Variants in ZNF704 observed in about 807,000 individuals in gnomAD.
ZNF704 encodes the protein glucocorticoid induced gene 1.
Under a neutral mutation model 44.7 loss-of-function variants are expected in ZNF704, and 10 were observed. The ratio of observed to expected loss-of-function variants is 0.22; its 90% CI spans 0.14 to 0.38. The LOEUF is 0.38. Ranked by LOEUF, ZNF704 falls within the 10% of genes least tolerant of loss-of-function variation. The pLI, the probability that ZNF704 is intolerant of heterozygous loss-of-function variation, is 1.00. For missense variants in ZNF704, 390 were observed against 545.5 expected, an observed-to-expected ratio of 0.71 and a Z score of 2.84; for synonymous variants, 211 against 207.6, an observed-to-expected ratio of 1.02 and a Z score of -0.14.
chr8:80,733,680 A>T (rs1806619436), intron 2 of ZNF704, among the ~76,000 whole-genome samples: 1 of 152,036 alleles, frequency 6.6e-6, no homozygotes, highest in Admixed American at 6.5e-5. Flanking sequence ...GCCCTGCTAC[A>T]TTTCTCAGCT....
At chr8:80,866,324 T>C (rs1314089330) in intron 1 of ZNF704, among the ~76,000 whole-genome samples, 1 of 152,172 alleles carries the variant, frequency 6.6e-6, no homozygotes. Context: ...GTGGGCTCCC[T>C]GAAAGCGGAA....
At chr8:80,783,866 CTG>C (rs1807570650) in intron 2 of ZNF704, among the ~76,000 whole-genome samples, 2 of 152,156 alleles carry the variant, frequency 1.3e-5, no homozygotes, top group South Asian at 4.1e-4. Flanking sequence ...TAAAAATCCT[CTG>C]TGTTCTCTCT....
At chr8:80,824,822 C>G (rs1808343578) in intron 1 of ZNF704, among the ~76,000 whole-genome samples, 1 of 152,188 alleles carries the variant, frequency 6.6e-6, no homozygotes, top group Non-Finnish European at 1.5e-5. Flanking sequence ...TTCAGCCAAA[C>G]TAAGCTTCAT....
At chr8:80,775,203 C>T (rs552560005) in intron 2 of ZNF704, among the ~76,000 whole-genome samples, 15 of 152,290 alleles carry the variant, frequency 9.8e-5, no homozygotes, top group African/African-American at 3.4e-4. Context: ...AATTAAGGAA[C>T]ATCAAACATC....
At chr8:80,709,784 G>C (rs183837339) in intron 2 of ZNF704, among the ~76,000 whole-genome samples, 2 of 152,312 alleles carry the variant, frequency 1.3e-5, no homozygotes, top group African/African-American at 4.8e-5. Context: ...GGACCTTGGA[G>C]AGGAGCAGCC....
chr8:80,796,844 A>G (rs929759105), intron 2 of ZNF704, among the ~76,000 whole-genome samples: 3 of 148,830 alleles, frequency 2.0e-5, no homozygotes, highest in Non-Finnish European at 4.4e-5. Flanking sequence ...AAGAAAAGAA[A>G]AAAGAAAGAA....
At chr8:80,682,110 T>G (rs1281606878) in intron 4 of ZNF704, among the ~76,000 whole-genome samples, 1 of 152,208 alleles carries the variant, frequency 6.6e-6, no homozygotes, top group African/African-American at 2.4e-5. Flanking sequence ...AGAGGCACTC[T>G]CTGCTCAAAA....
intron 2 of ZNF704, among the ~76,000 whole-genome samples, chr8:80,699,132 T>G (rs1563523145): frequency 6.6e-6 from 1 of 152,182 alleles, no homozygotes; most frequent in Non-Finnish European, 1.5e-5. Flanking sequence ...ACTTGTGATA[T>G]TCTTAAAATA....
intron 2 of ZNF704, among the ~76,000 whole-genome samples, chr8:80,732,707 G>C (rs1288648211): frequency 6.6e-6 from 1 of 152,186 alleles, no homozygotes; most frequent in Non-Finnish European, 1.5e-5. Context: ...TGTAATCCCA[G>C]CACTTTGGGA....
At chr8:80,799,660 G>A (rs1382311779) in intron 2 of ZNF704, among the ~76,000 whole-genome samples, 3 of 152,070 alleles carry the variant, frequency 2.0e-5, no homozygotes, top group African/African-American at 7.2e-5. Flanking sequence ...CCATTTTAAG[G>A]TCAGCAACCT....
At chr8:80,657,175 T>G (rs999517152) in intron 7 of ZNF704, among the ~76,000 whole-genome samples, 11 of 151,788 alleles carry the variant, frequency 7.2e-5, no homozygotes, top group African/African-American at 2.4e-4. Context: ...CACCTGCTTG[T>G]TTTTTTTAGA....
intron 2 of ZNF704, among the ~76,000 whole-genome samples, chr8:80,776,182 T>G (rs1807407879): frequency 6.6e-6 from 1 of 152,160 alleles, no homozygotes; most frequent in Non-Finnish European, 1.5e-5. Flanking sequence ...TTGCCTATAG[T>G]TTTCACCCTA....
At chr8:80,781,769 T>C (rs868160271) in intron 2 of ZNF704, among the ~76,000 whole-genome samples, 37 of 152,276 alleles carry the variant, frequency 2.4e-4, no homozygotes, top group African/African-American at 7.2e-4. Flanking sequence ...AGGCATGCCA[T>C]AGACTTAAAA....
At position 80,687,318 on chromosome 8, in the gene ZNF704, G is replaced by T. The variant is rs756069937; in HGVS notation, c.466C>A (p.Pro156Thr). 1.2e-6 allele frequency: 2 copies of T among 1,612,352 alleles called. No individual in the cohort carries two copies. Among genetic ancestry groups the T allele is most frequent in the Non-Finnish European group, 1.7e-6 (2 of 1,179,876 alleles). ...TCTGGCTGCGCGGGGCTGCGGAAGG[G>T]CTTGAAGCTGTCAGCCGAGAGCGGC... ...SPPLSADSFK[P>T]FRSPAQPDDG... Residue 156 changes from proline to threonine, a missense_variant, in exon 4 of 9, where the codon CCC becomes ACC. Physicochemically the swap from Pro to Thr is conservative, Grantham distance 38 (BLOSUM62 -1). Coordinates refer to ENST00000327835, the MANE Select transcript of ZNF704 (RefSeq NM_001033723.3).
At chr8:80,682,708 G>A (rs558801582) in intron 4 of ZNF704, among the ~76,000 whole-genome samples, 1 of 152,350 alleles carries the variant, frequency 6.6e-6, no homozygotes, top group South Asian at 2.1e-4. Context: ...TCCCCATTCA[G>A]GCAGTTGCCA....
chr8:80,799,056 T>A (rs1193309407), intron 2 of ZNF704, among the ~76,000 whole-genome samples: 1 of 152,196 alleles, frequency 6.6e-6, no homozygotes, highest in Non-Finnish European at 1.5e-5. Context: ...AAACTGTTAA[T>A]TCATTAACCC....
At chr8:80,651,138 G>C (rs1015282627) in intron 7 of ZNF704, among the ~76,000 whole-genome samples, 8 of 151,956 alleles carry the variant, frequency 5.3e-5, no homozygotes, top group African/African-American at 1.7e-4. Context: ...TCACCACCAG[G>C]CCTGCCCTAA....
intron 2 of ZNF704, among the ~76,000 whole-genome samples, chr8:80,765,659 G>C (rs1424587340): frequency 6.6e-6 from 1 of 152,106 alleles, no homozygotes; most frequent in African/African-American, 2.4e-5. Context: ...TTGCAATTGT[G>C]ATTTTTGGGA....
chr8:80,859,989 C>T (rs1797194604), intron 1 of ZNF704, among the ~76,000 whole-genome samples: 1 of 152,196 alleles, frequency 6.6e-6, no homozygotes, highest in African/African-American at 2.4e-5. Context: ...GCTAAGGCTA[C>T]CCTACACGTG....
Sources: allele counts gnomAD v4.1 joint callset (sites outside exome capture counted in the v4.1 genomes callset), GRCh38; gene constraint gnomAD v4.1.1; transcripts MANE v1.5; gene names NCBI Gene and HGNC (gene_info 2026-07-23, HGNC 2026-07-21).